Variants in NDUFS6 observed in about 807,000 individuals in gnomAD.
The protein encoded by NDUFS6 is NADH dehydrogenase [ubiquinone] iron-sulfur protein 6, mitochondrial.
In NDUFS6, 14 loss-of-function variants were observed where a neutral mutation model predicts 13.2. The ratio of observed to expected loss-of-function variants is 1.06; its 90% confidence interval spans 0.70 to 1.66. NDUFS6 has a LOEUF of 1.66. Among genes scored for constraint, NDUFS6 ranks in the 40% most tolerant of loss-of-function variants. The pLI, the probability that NDUFS6 is intolerant of heterozygous loss-of-function variation, is 0.00. For synonymous variants in NDUFS6, 95 were observed against 72.3 expected, an observed-to-expected ratio of 1.31 and a Z score of -1.60; for missense variants, 206 against 170.8, an observed-to-expected ratio of 1.21 and a Z score of -1.15.
Position 1,815,854 on chromosome 5 carries a change from A to C in NDUFS6, c.313A>C (p.Lys105Gln). The C allele has an allele frequency of 6.2e-7, 1 of 1,614,262 alleles. No individual in the cohort carries two copies. Among genetic ancestry groups the C allele is most frequent in the Non-Finnish European group, 8.5e-7 (1 of 1,180,038 alleles). The change falls in exon 4 of 4, where the codon AAA becomes CAA. Residue 105 changes from lysine to glutamine, a missense_variant. By Grantham distance (53) the Lys-to-Gln change is moderately conservative (BLOSUM62 1). Coordinates refer to ENST00000274137, the MANE Select transcript of NDUFS6 (RefSeq NM_004553.6). ...GHPKVYINLD[K>Q]ETKTGTCGYC... is the part of the protein sequence containing the mutation. Reference sequence around the variant, plus strand: ...CATTCCTTTTGAATTTTTTCAGGACAAAGAAACAAAAACCGGCACATGCGG... The same window carrying C: ...CATTCCTTTTGAATTTTTTCAGGACCAAGAAACAAAAACCGGCACATGCGG...
chr5:1,813,591 G>A (rs1401865929), intron 2 of NDUFS6, among the ~76,000 whole-genome samples: 1 of 152,114 alleles, frequency 6.6e-6, no homozygotes, highest in Non-Finnish European at 1.5e-5. Flanking sequence ...ACCCCATCGC[G>A]GTATTATGGA....
At chr5:1,804,481 C>T (rs997306324) in intron 2 of NDUFS6, among the ~76,000 whole-genome samples, 1 of 152,230 alleles carries the variant, frequency 6.6e-6, no homozygotes, top group African/African-American at 2.4e-5. Context: ...GTGACCTCAA[C>T]GCTCCAGCCG....
intron 2 of NDUFS6, among the ~76,000 whole-genome samples, chr5:1,804,776 CT>C: frequency 6.6e-6 from 1 of 152,242 alleles, no homozygotes; most frequent in Non-Finnish European, 1.5e-5. Flanking sequence ...ACTGCCATCT[CT>C]CATTAGTGTG....
At chr5:1,813,075 T>C (rs1471577969) in intron 2 of NDUFS6, among the ~76,000 whole-genome samples, 2 of 152,100 alleles carry the variant, frequency 1.3e-5, no homozygotes, top group Non-Finnish European at 1.5e-5. Flanking sequence ...AAAGGGTGTG[T>C]GTGAACATCA....
At chr5:1,810,954 C>T (rs1397988124) in intron 2 of NDUFS6, among the ~76,000 whole-genome samples, 1 of 152,186 alleles carries the variant, frequency 6.6e-6, no homozygotes, top group Admixed American at 6.5e-5. Flanking sequence ...TCGCCTCTGC[C>T]ACCCCTGAGA....
chr5:1,811,025 GA>G (rs1274346358), intron 2 of NDUFS6, among the ~76,000 whole-genome samples: 1 of 152,180 alleles, frequency 6.6e-6, no homozygotes, highest in African/African-American at 2.4e-5. Flanking sequence ...TGATGAGGAT[GA>G]AGACCTTTAT....
At chr5:1,806,478 T>C (rs1405023101) in intron 2 of NDUFS6, among the ~76,000 whole-genome samples, 3 of 152,210 alleles carry the variant, frequency 2.0e-5, no homozygotes, top group Non-Finnish European at 4.4e-5. Context: ...GACTTCAAGG[T>C]GCGTGGTGCC....
intron 2 of NDUFS6, among the ~76,000 whole-genome samples, chr5:1,807,349 G>A (rs1341580707): frequency 6.6e-6 from 1 of 152,214 alleles, no homozygotes; most frequent in Non-Finnish European, 1.5e-5. Context: ...GAAGGTTCTG[G>A]AGATGGGTGG....
chr5:1,813,395 G>A (rs1032121887), intron 2 of NDUFS6, among the ~76,000 whole-genome samples: 1 of 152,148 alleles, frequency 6.6e-6, no homozygotes, highest in African/African-American at 2.4e-5. Flanking sequence ...AAAGTCTAAC[G>A]ATCGTGCTCG....
At chr5:1,815,440 G>A (rs1734293755) in intron 3 of NDUFS6, among the ~76,000 whole-genome samples, 1 of 152,250 alleles carries the variant, frequency 6.6e-6, no homozygotes, top group East Asian at 1.9e-4. Context: ...CTGAAAAGGG[G>A]ACAGTGTAAC....
intron 2 of NDUFS6, among the ~76,000 whole-genome samples, chr5:1,810,902 A>G (rs1734208170): frequency 6.6e-6 from 1 of 152,168 alleles, no homozygotes; most frequent in Admixed American, 6.5e-5. Flanking sequence ...ACCCTTGAAC[A>G]ACATAGGTGT....
rs567592670 is a variant in NDUFS6, at chr5:1,802,124, A to G, written c.133-197A>G. 2.3e-5 allele frequency: 13 copies of G among 577,040 alleles called. No individual in the cohort carries two copies. The Admixed American group carries it at 3.6e-4, about 16-fold the overall frequency. 35.7% of individuals were successfully genotyped at this position (577,040 alleles called of 1,614,324 possible). Reference sequence around the variant, plus strand: ...ATGTCTCTGTGCTGCTCTCTGATCCAGGTGACCACCCGTTTTCATCCCAGG... The same window carrying G: ...ATGTCTCTGTGCTGCTCTCTGATCCGGGTGACCACCCGTTTTCATCCCAGG... On this transcript the variant is annotated intron_variant, in intron 1 of 3. Coordinates refer to ENST00000274137, the MANE Select transcript of NDUFS6 (RefSeq NM_004553.6).
chr5:1,806,836 T>G (rs1419404540), intron 2 of NDUFS6, among the ~76,000 whole-genome samples: 2 of 152,002 alleles, frequency 1.3e-5, no homozygotes, highest in African/African-American at 4.8e-5. Flanking sequence ...GAAAGCGGGG[T>G]CCGGGGTACA....
chr5:1,805,149 G>C (rs1166887330), intron 2 of NDUFS6, among the ~76,000 whole-genome samples: 5 of 152,124 alleles, frequency 3.3e-5, no homozygotes, highest in African/African-American at 1.2e-4. Context: ...TGGGCAATAT[G>C]GTGAAACCCT....
intron 1 of NDUFS6, 81 bp from the exon 2 acceptor site, chr5:1,802,240 C>T (rs888441198): frequency 7.6e-7 from 1 of 1,318,044 alleles, no homozygotes; most frequent in East Asian, 2.3e-5. Context: ...AAACACTTTC[C>T]TGTAATATTT....
intron 2 of NDUFS6, among the ~76,000 whole-genome samples, chr5:1,810,702 G>C (rs757738162): frequency 8.5e-5 from 13 of 152,104 alleles, no homozygotes; most frequent in Non-Finnish European, 1.9e-4. Flanking sequence ...TGTCGGAGGG[G>C]CCAGTCTGGC....
chr5:1,815,963 G>A lies in NDUFS6; in HGVS notation c.*47G>A, dbSNP rs201302309. The A allele has an allele frequency of 7.1e-5, 114 of 1,603,604 alleles. No homozygotes were observed. The African/African-American group carries it at 1.2e-3, about 17-fold the overall frequency. ...CCCGCAGCATCCTGTGAGCATTTCCGCGGGGAAGCTGAGCACGTGAAGCTC... is the reference window on the plus strand; with the variant it reads ...CCCGCAGCATCCTGTGAGCATTTCCACGGGGAAGCTGAGCACGTGAAGCTC... On this transcript the variant is annotated 3_prime_UTR_variant, in exon 4 of 4. Transcript: ENST00000274137.
At chr5:1,815,049 C>T (rs1734285849) in intron 3 of NDUFS6, among the ~76,000 whole-genome samples, 1 of 152,186 alleles carries the variant, frequency 6.6e-6, no homozygotes, top group Non-Finnish European at 1.5e-5. Flanking sequence ...AATACAGTCA[C>T]ATCGGGGGTT....
Position 1,802,450 on chromosome 5 carries a change from A to G in NDUFS6, c.186+76A>G, listed in dbSNP as rs536617473. ...TAACCAACAAGAAATAAAAATTAATATATAAGATTTAAATAAATTTTCCCC... is the reference window on the plus strand; with the variant it reads ...TAACCAACAAGAAATAAAAATTAATGTATAAGATTTAAATAAATTTTCCCC... On this transcript the variant is annotated intron_variant, in intron 2 of 3. Coordinates refer to ENST00000274137, the MANE Select transcript of NDUFS6 (RefSeq NM_004553.6). 1.9e-5 allele frequency: 23 copies of G among 1,213,372 alleles called. 1 individual carries two copies. The highest frequency in any genetic ancestry group is 4.2e-5 in the South Asian group (3 of 72,178). The allele number at this position is 1,213,372 out of a possible 1,614,324, so 75.2% of individuals were successfully genotyped here.
Sources: gnomAD v4.1 joint callset for allele counts (sites outside exome capture counted in the v4.1 genomes callset) on GRCh38, gnomAD v4.1.1 for gene constraint, MANE v1.5 for transcripts, NCBI Gene and HGNC (gene_info 2026-07-23, HGNC 2026-07-21) for gene names.